RIMS2: variants seen among roughly 807,000 people sequenced by gnomAD.
RIMS2 encodes regulating synaptic membrane exocytosis 2.
RIMS2 carries 59 observed loss-of-function variants against 174.4 expected under a neutral mutation model. The observed-to-expected ratio is 0.34, with a 90% CI of 0.27 to 0.42. The LOEUF is 0.42. RIMS2 is among the 10% of genes least tolerant of loss of function. RIMS2 has a pLI of 1.00. For synonymous variants in RIMS2, 606 were observed against 572.5 expected, an observed-to-expected ratio of 1.06 and a Z score of -0.84; for missense variants, 1,620 against 1,666.3, an observed-to-expected ratio of 0.97 and a Z score of 0.48.
chr8:104,055,738 AT>A (rs1233926168), intron 19 of RIMS2, among the ~76,000 whole-genome samples: 4 of 152,200 alleles, frequency 2.6e-5, no homozygotes, highest in Admixed American at 2.6e-4. Flanking sequence ...ATAGTGAAGC[AT>A]TTGCACTTTA....
At chr8:103,530,134 A>G (rs1465259137) in intron 1 of RIMS2, among the ~76,000 whole-genome samples, 1 of 152,234 alleles carries the variant, frequency 6.6e-6, no homozygotes, top group Admixed American at 6.5e-5. Context: ...AGTAGTGTAT[A>G]TGTTGGGACA....
At chr8:103,885,507 A>T in exon 4 of RIMS2, 1 of 1,612,588 alleles carries the variant, frequency 6.2e-7, no homozygotes, top group Non-Finnish European at 8.5e-7. Context: ...AGTCATAGGC[A>T]TTCCAAAGAA....
intron 16 of RIMS2, chr8:103,977,032 T>C (rs924574448): frequency 6.6e-6 from 1 of 152,180 alleles, no homozygotes; most frequent in Non-Finnish European, 1.5e-5. Context: ...GTTTAAGAAA[T>C]TTTGACCAGT....
intron 19 of RIMS2, among the ~76,000 whole-genome samples, chr8:104,236,680 T>C (rs1021227451): frequency 5.3e-5 from 8 of 152,080 alleles, no homozygotes. Flanking sequence ...TGGGTCATCA[T>C]ACTGCATGTT....
At chr8:103,507,232 C>A (rs1012221985) in intron 1 of RIMS2, among the ~76,000 whole-genome samples, 16 of 151,946 alleles carry the variant, frequency 1.1e-4, no homozygotes, top group African/African-American at 3.9e-4. Flanking sequence ...TCTTTTCTGA[C>A]CACTCTTTCT....
intron 19 of RIMS2, among the ~76,000 whole-genome samples, chr8:104,178,382 C>T (rs2098918356): frequency 6.6e-6 from 1 of 152,128 alleles, no homozygotes; most frequent in South Asian, 2.1e-4. Flanking sequence ...TTTTCAAAGC[C>T]AGCAATGGTG....
At chr8:103,582,045 G>C (rs1268189546) in intron 1 of RIMS2, among the ~76,000 whole-genome samples, 1 of 152,208 alleles carries the variant, frequency 6.6e-6, no homozygotes, top group Admixed American at 6.5e-5. Context: ...TTGAGGAGAG[G>C]AGAGGGAAGA....
chr8:104,207,930 T>C (rs1025357073), intron 19 of RIMS2, among the ~76,000 whole-genome samples: 1 of 151,744 alleles, frequency 6.6e-6, no homozygotes, highest in South Asian at 2.1e-4. Context: ...AAGTGTAGTT[T>C]TTTATTTATT....
intron 14 of RIMS2, among the ~76,000 whole-genome samples, chr8:103,950,220 T>C (rs2084995498): frequency 6.6e-6 from 1 of 152,132 alleles, no homozygotes; most frequent in African/African-American, 2.4e-5. Flanking sequence ...ACCAATTCTT[T>C]ACAAACTCTT....
intron 1 of RIMS2, 127 bp from the exon 4 acceptor site, chr8:103,696,959 A>G: frequency 1.6e-6 from 1 of 632,684 alleles, no homozygotes; most frequent in African/African-American, 1.8e-5. Flanking sequence ...CAGAAAATTA[A>G]ATTTTCATTC....
chr8:104,099,356 TA>T (rs762507052), intron 19 of RIMS2, among the ~76,000 whole-genome samples: 3 of 152,200 alleles, frequency 2.0e-5, no homozygotes, highest in Non-Finnish European at 4.4e-5. Flanking sequence ...CTGTGGCTTG[TA>T]TTTTCTTTTT....
intron 15 of RIMS2, among the ~76,000 whole-genome samples, chr8:103,967,851 CTTTTTT>C (rs1183741701): frequency 9.1e-6 from 1 of 109,556 alleles, no homozygotes; most frequent in African/African-American, 3.7e-5. Context: ...CCTACTCCTG[CTTTTTT>C]TTTTTTTTTT....
intron 19 of RIMS2, among the ~76,000 whole-genome samples, chr8:104,108,457 A>G (rs934777739): frequency 3.8e-4 from 56 of 148,406 alleles, no homozygotes; most frequent in African/African-American, 1.3e-3. Flanking sequence ...ACACCTGGCT[A>G]TTTTTTTTTT....
chr8:104,131,640 G>A (rs766751536), intron 19 of RIMS2, among the ~76,000 whole-genome samples: 1 of 152,112 alleles, frequency 6.6e-6, no homozygotes, highest in Non-Finnish European at 1.5e-5. Flanking sequence ...TATTGCTCTA[G>A]GAGGTGAGTA....
chr8:103,628,443 C>T (rs1437446399), intron 1 of RIMS2, among the ~76,000 whole-genome samples: 1 of 151,440 alleles, frequency 6.6e-6, no homozygotes, highest in Non-Finnish European at 1.5e-5. Flanking sequence ...CAACCTCCGC[C>T]TCCCGGTTTC....
chr8:103,834,722 TTCTTTCTTTCTTTCTTTCTTTC>T (rs1227639669), intron 3 of RIMS2, among the ~76,000 whole-genome samples: 69 of 117,292 alleles, frequency 5.9e-4, no homozygotes, highest in African/African-American at 2.4e-3. Flanking sequence ...CTTTCTTTCT[TTCTTTCTTTCTTTCTTTCTTTC>T]TCTCTCTTTC....
chr8:103,889,143 T>C (rs2154520956), intron 4 of RIMS2, among the ~76,000 whole-genome samples: 1 of 151,872 alleles, frequency 6.6e-6, no homozygotes, highest in Non-Finnish European at 1.5e-5. Context: ...ATAAATTACC[T>C]TTAGAAGTAT....
At chr8:103,971,085 G>A (rs1185458475) in intron 15 of RIMS2, among the ~76,000 whole-genome samples, 2 of 152,042 alleles carry the variant, frequency 1.3e-5, no homozygotes, top group African/African-American at 4.8e-5. Flanking sequence ...TTAACCTATT[G>A]ATGCACTTCA....
intron 15 of RIMS2, among the ~76,000 whole-genome samples, chr8:103,967,668 C>A (rs1289614975): frequency 1.3e-5 from 2 of 152,162 alleles, no homozygotes; most frequent in Non-Finnish European, 2.9e-5. Context: ...TTTCTCTATG[C>A]ACTTCTATTA....
Sources: allele counts gnomAD v4.1 joint callset (sites outside exome capture counted in the v4.1 genomes callset), GRCh38; gene constraint gnomAD v4.1.1; transcripts MANE v1.5; gene names NCBI Gene and HGNC (gene_info 2026-07-23, HGNC 2026-07-21).